Variants in SETBP1 observed in about 807,000 individuals in gnomAD.
The protein encoded by SETBP1 is SET-binding protein.
In SETBP1, 9 loss-of-function variants were observed where a neutral mutation model predicts 101.0. The ratio of observed to expected loss-of-function variants is 0.09; its 90% confidence interval spans 0.05 to 0.16. SETBP1 has a LOEUF of 0.16. Ranked by LOEUF, SETBP1 falls within the 10% of genes least tolerant of loss-of-function variation. The pLI, the probability that SETBP1 is intolerant of heterozygous loss-of-function variation, is 1.00. For missense variants in SETBP1, 1,858 were observed against 2,033.8 expected, an observed-to-expected ratio of 0.91 and a Z score of 1.66; for synonymous variants, 818 against 788.5, an observed-to-expected ratio of 1.04 and a Z score of -0.63.
At chr18:44,923,959 G>C (rs1328692116) in intron 3 of SETBP1, among the ~76,000 whole-genome samples, 1 of 152,164 alleles carries the variant, frequency 6.6e-6, no homozygotes, top group East Asian at 1.9e-4. Context: ...GAGGTGTTGA[G>C]GTGCATTTGC....
intron 3 of SETBP1, among the ~76,000 whole-genome samples, chr18:44,892,274 T>C (rs1405936344): frequency 6.6e-6 from 1 of 152,158 alleles, no homozygotes; most frequent in African/African-American, 2.4e-5. Context: ...AGCTGTTTCG[T>C]TGGTGGAGAG....
Position 44,950,875 on chromosome 18 carries a change from A to C in SETBP1, c.1535A>C (p.His512Pro), listed in dbSNP as rs763537104. Residue 512 changes from histidine to proline, a missense_variant, in exon 4 of 6, where the codon CAC (histidine) becomes CCC (proline). Around this residue, in one of 12 missense-constraint regions of SETBP1, gnomAD observed 581 missense variants for 535.1 expected, o/e 1.09. Transcript: ENST00000649279. ...ATGACACCTCCAACGTGCACAGATC[A>C]CTCTCCATCCAGAAAGCTGCCAGAA... is the stretch of plus-strand genomic sequence containing the variant. The part of the protein sequence containing the change: ...MVMTPPTCTD[H>P]SPSRKLPEIQ... The C allele has an allele frequency of 6.2e-7, 1 of 1,614,030 alleles. No individual in the cohort carries two copies.
chr18:44,701,390 G>A lies in SETBP1; in HGVS notation c.44G>A (p.Gly15Asp), dbSNP rs551453904. ...TTAAGCAGCTCCCGGCAAAGAGGGG[G>A]CGAGTCAGACTTCCTGCCGGTCTCC... is the stretch of plus-strand genomic sequence containing the variant. ...ETLSSSRQRGGESDFLPVSSA... is the reference protein window; with the variant it reads ...ETLSSSRQRGDESDFLPVSSA... The change falls in exon 2 of 6, where the codon GGC becomes GAC. Residue 15 changes from glycine to aspartate, a missense_variant. Coordinates refer to ENST00000649279, the MANE Select transcript of SETBP1 (RefSeq NM_015559.3). 4.5e-6 allele frequency: 7 copies of A among 1,550,896 alleles called. No individual in the cohort carries two copies. The highest frequency in any genetic ancestry group is 6.1e-6 in the Non-Finnish European group (7 of 1,145,872).
intron 2 of SETBP1, among the ~76,000 whole-genome samples, chr18:44,737,398 G>A (rs936199786): frequency 6.6e-6 from 1 of 152,170 alleles, no homozygotes; most frequent in African/African-American, 2.4e-5. Context: ...TCTCCCTGGT[G>A]TATAGACTCA....
At chr18:44,774,683 C>G (rs1053927772) in intron 2 of SETBP1, among the ~76,000 whole-genome samples, 6 of 152,122 alleles carry the variant, frequency 3.9e-5, no homozygotes, top group Non-Finnish European at 8.8e-5. Flanking sequence ...TAATCTAACT[C>G]TTCTACAGAC....
intron 5 of SETBP1, among the ~76,000 whole-genome samples, chr18:45,056,614 A>G (rs541701744): frequency 3.2e-4 from 48 of 152,360 alleles, no homozygotes; most frequent in African/African-American, 1.1e-3. Flanking sequence ...TAATTTAGAG[A>G]GGCAGAGAGG....
rs562509788 is a variant in SETBP1, at chr18:44,949,012, A to G, written c.541-869A>G. On this transcript the variant is annotated intron_variant, in intron 3 of 5. Coordinates refer to ENST00000649279, the MANE Select transcript of SETBP1 (RefSeq NM_015559.3). ...TTTTTTTTTCCTGACACATTTGTCT[A>G]GTAGACTCAAGGTTGCTTTTGAGAC... Among the ~76,000 whole-genome samples the G allele has an allele frequency of 3.5e-4, 53 of 152,246 alleles. 1 individual carries two copies. The highest frequency in any genetic ancestry group is 1.2e-3 in the African/African-American group (51 of 41,550).
chr18:45,038,685 CCCCAAGCAAGATGAA>C (rs747855278), intron 5 of SETBP1, 30 bp downstream of exon 5: 12 of 1,612,132 alleles, frequency 7.4e-6, no homozygotes, highest in Non-Finnish European at 1.0e-5. Context: ...TTTGGGTTCA[CCCCAAGCAAGATGAA>C]TGTGGAGAAA....
intron 4 of SETBP1, among the ~76,000 whole-genome samples, chr18:44,981,316 G>T (rs761703224): frequency 5.9e-5 from 9 of 152,162 alleles, no homozygotes; most frequent in Middle Eastern, 3.2e-3. Context: ...AAGCTACAGA[G>T]CCAGTTGGCT....
intron 5 of SETBP1, among the ~76,000 whole-genome samples, chr18:45,042,741 A>C (rs1242521281): frequency 6.6e-6 from 1 of 152,108 alleles, no homozygotes; most frequent in Non-Finnish European, 1.5e-5. Context: ...AGGCATAATG[A>C]TTATGACATT....
At position 44,750,930 on chromosome 18, in the gene SETBP1, G is replaced by A. The variant is rs567952768; in HGVS notation, c.486+49098G>A. 1.1e-4 allele frequency among the ~76,000 whole-genome samples: 16 copies of A among 152,244 alleles called. 1 individual carries two copies. Among genetic ancestry groups the A allele is most frequent in the African/African-American group, 3.9e-4 (16 of 41,546 alleles). The stretch of plus-strand genomic sequence containing the variant: ...CAGTTGAGTAGGACGTGGCTCTTTG[G>A]GGCAAGTGAGATTTGTGCTGGGCCT... On this transcript the variant is annotated intron_variant, in intron 2 of 5. Coordinates refer to ENST00000649279, the MANE Select transcript of SETBP1 (RefSeq NM_015559.3).
chr18:44,958,175 C>T (rs1168906447), intron 4 of SETBP1, among the ~76,000 whole-genome samples: 1 of 152,236 alleles, frequency 6.6e-6, no homozygotes, highest in Non-Finnish European at 1.5e-5. Context: ...ATCTACACCA[C>T]TCCCCTGCAC....
At chr18:44,999,851 T>C (rs965616060) in intron 4 of SETBP1, among the ~76,000 whole-genome samples, 2 of 152,264 alleles carry the variant, frequency 1.3e-5, no homozygotes, top group Non-Finnish European at 2.9e-5. Context: ...ATAATAGTTA[T>C]GCCCTGCCAC....
chr18:44,752,040 T>C (rs1422311380), intron 2 of SETBP1, among the ~76,000 whole-genome samples: 1 of 152,116 alleles, frequency 6.6e-6, no homozygotes, highest in African/African-American at 2.4e-5. Flanking sequence ...AGGTACCATC[T>C]CCTTTCAACA....
Position 44,951,750 on chromosome 18 carries a change from A to G in SETBP1, c.2410A>G (p.Thr804Ala). 3 of 1,614,088 alleles carry G rather than the reference A, an allele frequency of 1.9e-6. No homozygotes were observed. The highest frequency in any genetic ancestry group is 2.5e-6 in the Non-Finnish European group (3 of 1,180,020). The change falls in exon 4 of 6, where the codon ACT (threonine) becomes GCT (alanine). Residue 804 changes from threonine to alanine, a missense_variant. By Grantham distance (58) the Thr-to-Ala change is moderately conservative. Coordinates refer to ENST00000649279, the MANE Select transcript of SETBP1 (RefSeq NM_015559.3). The surrounding 1 kb of genome is among the most constrained non-coding windows in gnomAD (Gnocchi z 7.8). ...STETNFSELK[T>A]MPNLQPISAL... ...TGAAACCAATTTTTCAGAGTTGAAA[A>G]CTATGCCAAATCTCCAGCCCATCAG...
At chr18:44,783,680 G>T (rs954224522) in intron 2 of SETBP1, among the ~76,000 whole-genome samples, 7 of 152,226 alleles carry the variant, frequency 4.6e-5, no homozygotes, top group African/African-American at 1.7e-4. Context: ...CAGCATATTT[G>T]ATTCTTTCAG....
At chr18:44,828,272 T>C (rs1282297764) in intron 2 of SETBP1, among the ~76,000 whole-genome samples, 3 of 152,092 alleles carry the variant, frequency 2.0e-5, no homozygotes, top group African/African-American at 4.8e-5. Flanking sequence ...TATGTTGAAA[T>C]GCGGTGAAAC....
At chr18:44,943,392 G>A (rs1433737059) in intron 3 of SETBP1, among the ~76,000 whole-genome samples, 4 of 152,154 alleles carry the variant, frequency 2.6e-5, no homozygotes, top group African/African-American at 9.7e-5. Context: ...AGGACTTTGT[G>A]AAACACATTT....
At chr18:44,961,632 A>T (rs551485374) in intron 4 of SETBP1, among the ~76,000 whole-genome samples, 2 of 152,212 alleles carry the variant, frequency 1.3e-5, no homozygotes, top group African/African-American at 4.8e-5. Flanking sequence ...AGATTCCCTT[A>T]TACTATGTCA....
Sources: allele counts gnomAD v4.1 joint callset (sites outside exome capture counted in the v4.1 genomes callset), GRCh38; gene constraint gnomAD v4.1.1; regional missense constraint gnomAD v4.1.1; non-coding constraint Gnocchi (gnomAD v3.1); transcripts MANE v1.5; gene names NCBI Gene and HGNC (gene_info 2026-07-23, HGNC 2026-07-21).